The following CEP72 variants were observed in gnomAD, a reference collection of about 807,000 sequenced individuals.
CEP72 encodes centrosomal protein of 72 kDa.
A neutral mutation model predicts 65.7 loss-of-function variants in CEP72; 78 were observed. The ratio of observed to expected loss-of-function variants is 1.19; its 90% CI spans 0.99 to 1.43. CEP72 has a LOEUF of 1.43. CEP72 is among the 40% of genes most tolerant of loss of function. The pLI, the probability that CEP72 is intolerant of heterozygous loss-of-function variation, is 0.00. For synonymous variants in CEP72, 358 were observed against 351.7 expected, an observed-to-expected ratio of 1.02 and a Z score of -0.20; for missense variants, 914 against 832.9, an observed-to-expected ratio of 1.10 and a Z score of -1.20.
chr5:623,164 T>C lies in CEP72; in HGVS notation c.404-1307T>C, dbSNP rs564561106. ...AGGAGCGCAGCCGTCTCCCTCTTAG[T>C]GTTTCTGCAGAGAAGGAGCGCGACC... On this transcript the variant is annotated intron_variant, in intron 3 of 11. Transcript: ENST00000264935. The surrounding 1 kb of genome is among the most constrained non-coding windows in gnomAD (Gnocchi z 5.3). Among the ~76,000 whole-genome samples, 26 of 151,894 alleles carry C rather than the reference T, an allele frequency of 1.7e-4. No individual in the cohort carries two copies. The highest frequency in any genetic ancestry group is 5.3e-4 in the African/African-American group (22 of 41,350).
At chr5:641,382 T>C (rs1738009236) in intron 9 of CEP72, 2 of 985,438 alleles carry the variant, frequency 2.0e-6, no homozygotes, top group Non-Finnish European at 2.4e-6. Flanking sequence ...CAGAGGGGCC[T>C]TGTCAGCATC....
At position 633,891 on chromosome 5, in the gene CEP72, C is replaced by T; in HGVS notation, c.635C>T (p.Pro212Leu). The T allele has an allele frequency of 3.7e-6, 6 of 1,613,362 alleles. No individual in the cohort carries two copies. Among genetic ancestry groups the T allele is most frequent in the Middle Eastern group, 1.6e-4 (1 of 6,062 alleles). The change falls in exon 5 of 12, where the codon CCC becomes CTC. Residue 212 changes from proline (P) to leucine (L), a missense_variant. Coordinates refer to ENST00000264935, the MANE Select transcript of CEP72 (RefSeq NM_018140.4). ...TGCGAGTGGGACCTCGGCAGGCCTC[C>T]CGGGAGCACGAGCTTCAGCCAGAAG... is the stretch of plus-strand genomic sequence containing the variant. Reference protein sequence around the residue: ...AECEWDLGRPPGSTSFSQKGR... With the variant: ...AECEWDLGRPLGSTSFSQKGR...
In CEP72 at chr5:628,959, C is replaced by T. The variant is rs1000084045; in HGVS notation, c.512+4380C>T. Among the ~76,000 whole-genome samples the T allele has an allele frequency of 1.5e-4, 21 of 137,616 alleles. 1 individual carries two copies. The highest frequency in any genetic ancestry group is 5.0e-4 in the African/African-American group (15 of 29,836). The allele number at this position is 137,616 out of a possible 152,430, so 90.3% of individuals were successfully genotyped here. A position where few individuals can be genotyped will look rare whatever the true frequency, so the allele number is the denominator to read the frequency against. On this transcript the variant is annotated intron_variant, in intron 4 of 11. Transcript: ENST00000264935. ...CGTTCTGGAGAACTCAGGTCACAGG[C>T]CCCGGGGAGTGTTCCCAGGACCCAG...
intron 4 of CEP72, among the ~76,000 whole-genome samples, chr5:666,301 G>A (rs1339232898): frequency 6.6e-6 from 1 of 152,208 alleles, no homozygotes; most frequent in African/African-American, 2.4e-5. Context: ...CTTGGCGGAA[G>A]CAGGTCCTCT....
chr5:612,460 G>C lies in CEP72; in HGVS notation c.82+17G>C. ...GCGACCTGGGTGCGCCGGAGGGCGG[G>C]CGGGGGTGCAAGCGTGAGGTGGCGG... On this transcript the variant is annotated intron_variant, in intron 1 of 11. Transcript: ENST00000264935. The C allele has an allele frequency of 7.0e-7, 1 of 1,438,684 alleles. No individual in the cohort carries two copies. 89.1% of individuals were successfully genotyped at this position (1,438,684 alleles called of 1,614,324 possible).
chr5:635,796 A>G (rs1737553278), intron 6 of CEP72, among the ~76,000 whole-genome samples: 1 of 152,202 alleles, frequency 6.6e-6, no homozygotes, highest in Non-Finnish European at 1.5e-5. Context: ...ATGGAGCTAG[A>G]CTCATCCTTT....
At chr5:633,422 G>A (rs1209368103) in intron 4 of CEP72, among the ~76,000 whole-genome samples, 1 of 146,492 alleles carries the variant, frequency 6.8e-6, no homozygotes, top group Non-Finnish European at 1.5e-5. Context: ...GTGCTGTCCA[G>A]TGCCGGGATT....
chr5:639,304 G>A (rs1222092763), intron 8 of CEP72, 80 bp downstream of exon 8: 3 of 1,468,594 alleles, frequency 2.0e-6, no homozygotes, highest in African/African-American at 2.8e-5. Flanking sequence ...TGGTGACCTA[G>A]GAGTCATCTC....
At chr5:669,773 G>T (rs924880843), downstream of CEP72, among the ~76,000 whole-genome samples, 1 of 152,082 alleles carries the variant, frequency 6.6e-6, no homozygotes, top group Non-Finnish European at 1.5e-5. Flanking sequence ...TGCCCCACAC[G>T]GGCGGGGAGC....
At chr5:648,175 G>T (rs1738549332) in intron 11 of CEP72, among the ~76,000 whole-genome samples, 1 of 152,244 alleles carries the variant, frequency 6.6e-6, no homozygotes, top group South Asian at 2.1e-4. Flanking sequence ...TGTGAGGTCT[G>T]ACCATGAGGT....
chr5:662,391 C>T (rs1739664976), intron 1 of CEP72: 1 of 152,502 alleles, frequency 6.6e-6, no homozygotes, highest in South Asian at 2.1e-4. Flanking sequence ...CAACCAGGGA[C>T]CAGGAGGCAG....
intron 11 of CEP72, among the ~76,000 whole-genome samples, chr5:650,187 G>C (rs1738894089): frequency 7.2e-6 from 1 of 139,104 alleles, no homozygotes; most frequent in Admixed American, 7.2e-5. Context: ...TGACTGAGGT[G>C]TGACTGTGAG....
chr5:644,822 C>T (rs150888530), intron 10 of CEP72, among the ~76,000 whole-genome samples: 5 of 152,292 alleles, frequency 3.3e-5, no homozygotes, highest in Non-Finnish European at 7.4e-5. Flanking sequence ...AGCGTCTCAG[C>T]GTTACAGATT....
At chr5:673,098 G>C in the CEP72 span, among the ~76,000 whole-genome samples, 3 of 152,200 alleles carry the variant, frequency 2.0e-5, no homozygotes, top group African/African-American at 7.2e-5. Flanking sequence ...AAGCTCCTGA[G>C]GGAGGCAGAG....
intron 4 of CEP72, among the ~76,000 whole-genome samples, chr5:625,964 T>A (rs1395158220): frequency 6.6e-6 from 1 of 151,926 alleles, no homozygotes; most frequent in Non-Finnish European, 1.5e-5. Context: ...GTAATTTGAT[T>A]GCCTCTGTAA....
chr5:648,206 G>C (rs1298567495), intron 11 of CEP72, among the ~76,000 whole-genome samples: 1 of 150,792 alleles, frequency 6.6e-6, no homozygotes, highest in Non-Finnish European at 1.5e-5. Context: ...GGCATGGACT[G>C]TGAGATGGGA....
intron 11 of CEP72, among the ~76,000 whole-genome samples, chr5:648,845 G>GGACTGTGAGGTGTGACTGTGAGGTGT (rs1477903078): frequency 2.3e-5 from 1 of 43,508 alleles, no homozygotes; most frequent in Admixed American, 2.6e-4. Flanking sequence ...TGTGAGGTGT[G>GGACTGTGAGGTGTGACTGTGAGGTGT]GACTGTGAGG....
At chr5:621,835 G>A (rs757114189) in intron 3 of CEP72, among the ~76,000 whole-genome samples, 5 of 152,230 alleles carry the variant, frequency 3.3e-5, no homozygotes, top group Admixed American at 1.3e-4. Context: ...GTGCAGTGGC[G>A]TGATCTTAGC....
At chr5:656,125 G>A (rs1580053580), downstream of CEP72, among the ~76,000 whole-genome samples, 2 of 152,160 alleles carry the variant, frequency 1.3e-5, no homozygotes, top group South Asian at 4.1e-4. Context: ...GTTTCATTGT[G>A]TTGCAGACAT....
Sources: allele counts gnomAD v4.1 joint callset (sites outside exome capture counted in the v4.1 genomes callset), GRCh38; gene constraint gnomAD v4.1.1; non-coding constraint Gnocchi (gnomAD v3.1); transcripts MANE v1.5; gene names NCBI Gene and HGNC (gene_info 2026-07-23, HGNC 2026-07-21).